DCTD: variants seen among roughly 807,000 people sequenced by gnomAD.
DCTD encodes the protein dCMP deaminase.
A neutral mutation model predicts 21.0 loss-of-function variants in DCTD; 23 were observed. That is an observed-to-expected ratio of 1.09 (90% CI 0.79 to 1.55). DCTD has a LOEUF of 1.55. Among genes scored for constraint, DCTD ranks in the 40% most tolerant of loss-of-function variants. DCTD has a pLI of 0.00. For missense variants in DCTD, 224 were observed against 230.0 expected, an observed-to-expected ratio of 0.97 and a Z score of 0.17; for synonymous variants, 71 against 81.1, an observed-to-expected ratio of 0.88 and a Z score of 0.67.
intron 3 of DCTD, among the ~76,000 whole-genome samples, chr4:182,901,907 GT>G (rs1735816434): frequency 6.6e-6 from 1 of 152,154 alleles, no homozygotes; most frequent in Admixed American, 6.5e-5. Flanking sequence ...AGTTATCAGA[GT>G]TGCTAAACCT....
intron 3 of DCTD, among the ~76,000 whole-genome samples, chr4:182,904,379 A>G (rs1272620251): frequency 6.6e-6 from 1 of 152,196 alleles, no homozygotes; most frequent in African/African-American, 2.4e-5. Flanking sequence ...CGTGATGCCT[A>G]AAATGCGTGA....
chr4:182,894,819 G>C (rs193176936), intron 3 of DCTD, among the ~76,000 whole-genome samples: 1 of 152,364 alleles, frequency 6.6e-6, no homozygotes, highest in East Asian at 1.9e-4. Context: ...CACCTAGAGC[G>C]GCCAGGACGG....
Position 182,893,032 on chromosome 4 carries a change from G to A in DCTD, c.457C>T (p.Arg153Trp), listed in dbSNP as rs766885547. 80 of 1,595,968 alleles carry A rather than the reference G, an allele frequency of 5.0e-5. No individual in the cohort carries two copies. Among genetic ancestry groups the A allele is most frequent in the South Asian group, 1.8e-4 (16 of 90,434 alleles). The change falls in exon 5 of 6, where the codon CGG (arginine) becomes TGG (tryptophan). Residue 153 changes from arginine (R) to tryptophan (W), a missense_variant and splice_region_variant. Arg to Trp is a moderately radical substitution (Grantham distance 101). Transcript: ENST00000438320. ...LLFNMAGVTF[R>W]KFIPKCSKIV... is the part of the protein sequence containing the mutation. Reference sequence around the variant, plus strand: ...CCCGCCCGCATTCTCCCCACTTACCGGAATGTCACCCCGGCCATATTAAAC... The same window carrying A: ...CCCGCCCGCATTCTCCCCACTTACCAGAATGTCACCCCGGCCATATTAAAC...
Position 182,894,506 on chromosome 4 carries a change from T to G in DCTD, c.344A>C (p.Lys115Thr), listed in dbSNP as rs761605580. 9.3e-6 allele frequency: 15 copies of G among 1,611,792 alleles called. No individual in the cohort carries two copies. Among genetic ancestry groups the G allele is most frequent in the Non-Finnish European group, 1.3e-5 (15 of 1,177,854 alleles). Residue 115 changes from lysine to threonine, a missense_variant, in exon 4 of 6, where the codon AAG becomes ACG. Transcript: ENST00000438320. ...VALFPCNECA[K>T]LIIQAGIKEV... ...GTTCCTACCTGCCTGGATGATGAGC[T>G]TAGCGCATTCATTACAAGGGAACAA...
intron 3 of DCTD, among the ~76,000 whole-genome samples, chr4:182,901,860 A>G (rs1224562283): frequency 6.6e-6 from 1 of 151,666 alleles, no homozygotes; most frequent in African/African-American, 2.4e-5. Context: ...TTCTTCCTGA[A>G]GTTAGGGCCT....
At chr4:182,903,840 C>T (rs757180115) in intron 3 of DCTD, among the ~76,000 whole-genome samples, 3 of 152,174 alleles carry the variant, frequency 2.0e-5, no homozygotes, top group Non-Finnish European at 4.4e-5. Flanking sequence ...CACAACCTAC[C>T]AGTCAAGCAT....
intron 3 of DCTD, among the ~76,000 whole-genome samples, chr4:182,898,634 C>G (rs770128227): frequency 2.2e-4 from 34 of 152,152 alleles, no homozygotes; most frequent in Non-Finnish European, 4.1e-4. Flanking sequence ...CCCTCCATCT[C>G]TGAGGGCTCC....
At chr4:182,900,950 C>A (rs1735628038) in intron 3 of DCTD, among the ~76,000 whole-genome samples, 1 of 150,824 alleles carries the variant, frequency 6.6e-6, no homozygotes, top group Non-Finnish European at 1.5e-5. Context: ...AATTAGAAAA[C>A]TGTATTTTTC....
At chr4:182,894,704 T>C in intron 3 of DCTD, 99 bp from the exon 4 acceptor site, 2 of 778,696 alleles carry the variant, frequency 2.6e-6, no homozygotes, top group African/African-American at 1.7e-5. Context: ...AAATAACATA[T>C]AACAGACTCA....
intron 3 of DCTD, among the ~76,000 whole-genome samples, chr4:182,896,254 C>A (rs1435883630): frequency 6.7e-6 from 1 of 148,832 alleles, no homozygotes; most frequent in African/African-American, 2.6e-5. Flanking sequence ...TCCTCAGCCA[C>A]CCTCTCGTGT....
At position 182,898,093 on chromosome 4, in the gene DCTD, G is replaced by C. The variant is rs76013777; in HGVS notation, c.245-3488C>G. Among the ~76,000 whole-genome samples, 52 of 152,352 alleles carry C rather than the reference G, an allele frequency of 3.4e-4. No individual in the cohort carries two copies. In the East Asian group the frequency reaches 9.3e-3, roughly 27 times the overall value. ...CAATTTGTTTAAAGCAGGTGGGTCA[G>C]AGTAAAGTTTGGGGATTCATTTACT... On this transcript the variant is annotated intron_variant, in intron 3 of 5. Coordinates refer to ENST00000438320, the MANE Select transcript of DCTD (RefSeq NM_001921.3).
intron 3 of DCTD, among the ~76,000 whole-genome samples, chr4:182,900,999 C>A (rs1344916382): frequency 6.6e-6 from 1 of 151,990 alleles, no homozygotes; most frequent in African/African-American, 2.4e-5. Context: ...TCCTTACTGT[C>A]TCATGTAGGC....
rs966745822 is a variant in DCTD at position 182,891,146 on chromosome 4, A to G, written c.*253T>C. On this transcript the variant is annotated 3_prime_UTR_variant, in exon 6 of 6. Transcript: ENST00000438320. ...CAGCCAGGACACAAGAAGGGGAGGCACTCTCGTTCTAGCCCTGTGCACCAG... is the reference window on the plus strand; with the variant it reads ...CAGCCAGGACACAAGAAGGGGAGGCGCTCTCGTTCTAGCCCTGTGCACCAG... 9 of 378,440 alleles carry G rather than the reference A, an allele frequency of 2.4e-5. No homozygotes were observed. The highest frequency in any genetic ancestry group is 6.9e-4 in the Middle Eastern group (1 of 1,452). 23.4% of individuals were successfully genotyped at this position (378,440 alleles called of 1,614,324 possible).
At chr4:182,892,874 T>C (rs1021970240) in intron 5 of DCTD, among the ~76,000 whole-genome samples, 157 bp downstream of exon 5, 4 of 152,230 alleles carry the variant, frequency 2.6e-5, no homozygotes, top group Non-Finnish European at 4.4e-5. Context: ...CTTAAATATC[T>C]ACCCCTATAA....
intron 1 of DCTD, chr4:182,916,891 A>C: frequency 9.9e-7 from 1 of 1,011,040 alleles, no homozygotes; most frequent in South Asian, 3.4e-5. Context: ...GCTCGAATAC[A>C]ACGATTCAGG....
intron 2 of DCTD, among the ~76,000 whole-genome samples, 187 bp downstream of exon 2, chr4:182,915,274 T>G (rs190495363): frequency 4.3e-4 from 66 of 152,324 alleles, no homozygotes; most frequent in Non-Finnish European, 7.3e-4. Flanking sequence ...CAAGAGGCAG[T>G]TAACAATGGC....
chr4:182,901,793 A>C (rs1579709737), intron 3 of DCTD, among the ~76,000 whole-genome samples: 1 of 152,062 alleles, frequency 6.6e-6, no homozygotes, highest in East Asian at 1.9e-4. Context: ...AAAAAAAAAA[A>C]ACTCAGTAAT....
At chr4:182,912,146 AAGC>A (rs372871169) in intron 3 of DCTD, among the ~76,000 whole-genome samples, 8,780 of 150,860 alleles carry the variant, frequency 0.058, 279 homozygotes, top group South Asian at 0.098. Context: ...CTTAAAACGA[AAGC>A]AAAAAAAAAA....
At chr4:182,915,883 G>A in intron 1 of DCTD, 1 of 1,125,644 alleles carries the variant, frequency 8.9e-7, no homozygotes, top group East Asian at 6.0e-5. Flanking sequence ...TCCTTTACCT[G>A]TCTCCCTTAC....
Sources: allele counts gnomAD v4.1 joint callset (sites outside exome capture counted in the v4.1 genomes callset), GRCh38; gene constraint gnomAD v4.1.1; transcripts MANE v1.5; gene names NCBI Gene and HGNC (gene_info 2026-07-23, HGNC 2026-07-21).